Variants in ST7 observed in about 807,000 individuals in gnomAD.
The protein encoded by ST7 is suppression of tumorigenicity 7.
In ST7, 28 loss-of-function variants were observed where a neutral mutation model predicts 78.7. The ratio of observed to expected loss-of-function variants is 0.36; its 90% CI spans 0.26 to 0.49. The LOEUF (loss-of-function observed/expected upper bound fraction) is 0.49, where lower values mean the gene tolerates loss of function less well. ST7 is among the 20% of genes least tolerant of loss of function. ST7 has a pLI of 0.99. For missense variants in ST7, 418 were observed against 696.0 expected (o/e 0.60, Z 4.49); for synonymous variants, 247 against 249.6 (o/e 0.99, Z 0.10).
intron 1 of ST7, among the ~76,000 whole-genome samples, chr7:116,991,376 A>G (rs1343949707): frequency 6.6e-6 from 1 of 152,124 alleles, no homozygotes; most frequent in African/African-American, 2.4e-5. Flanking sequence ...GTTTAATTGG[A>G]CTTACAGTTC....
In ST7 at chr7:117,119,659, C is replaced by T. The variant is rs1218604434; in HGVS notation, c.333C>T (p.Asn111=). The change falls in exon 3 of 16, where the codon AAC becomes AAT. Residue 111 remains asparagine (N), a synonymous_variant. Coordinates refer to ENST00000323984, the MANE Select transcript of ST7 (RefSeq NM_001369598.1). The part of the protein sequence containing the change: ...LRPLLGGVDN[N]SSNNSNSSNG... Reference sequence around the variant, plus strand: ...CCCTTCTGGGAGGGGTTGACAACAACTCTTCCAACAATTCTAATTCCAGTA... The same window carrying T: ...CCCTTCTGGGAGGGGTTGACAACAATTCTTCCAACAATTCTAATTCCAGTA... 1 of 1,613,954 alleles carries T rather than the reference C, an allele frequency of 6.2e-7. No individual in the cohort carries two copies. Among genetic ancestry groups the T allele is most frequent in the Non-Finnish European group, 8.5e-7 (1 of 1,180,000 alleles).
intron 1 of ST7, among the ~76,000 whole-genome samples, chr7:117,065,817 G>C (rs1798605889): frequency 6.6e-6 from 1 of 152,076 alleles, no homozygotes; most frequent in Admixed American, 6.6e-5. Context: ...ATTTTCCATT[G>C]TACTTAGAAT....
intron 10 of ST7, among the ~76,000 whole-genome samples, chr7:117,178,041 G>A (rs1042648215): frequency 1.3e-5 from 2 of 152,138 alleles, no homozygotes; most frequent in Non-Finnish European, 2.9e-5. Flanking sequence ...CATCTGTGAA[G>A]GCCAAATATG....
At chr7:117,097,908 A>ATATATATATTTTTT in intron 1 of ST7, among the ~76,000 whole-genome samples, 5 of 30,012 alleles carry the variant, frequency 1.7e-4, no homozygotes, top group African/African-American at 4.8e-4. Flanking sequence ...ATATATATAT[A>ATATATATATTTTTT]TTTTTTTTTT....
Position 117,130,475 on chromosome 7 carries a change from T to G in ST7, c.450-16T>G. 1 of 1,581,412 alleles carries G rather than the reference T, an allele frequency of 6.3e-7. No individual in the cohort carries two copies. Among genetic ancestry groups the G allele is most frequent in the African/African-American group, 1.4e-5 (1 of 73,802 alleles). On this transcript the variant is annotated splice_polypyrimidine_tract_variant and intron_variant, in intron 4 of 15. Transcript: ENST00000323984. ...CTCTCTCAAAAGTGTCTAATCATCTTATTTCTCCTTTGCAGGTATACTTGG... is the reference window on the plus strand; with the variant it reads ...CTCTCTCAAAAGTGTCTAATCATCTGATTTCTCCTTTGCAGGTATACTTGG...
At chr7:116,974,262 G>C (rs1472022735) in intron 1 of ST7, among the ~76,000 whole-genome samples, 6 of 151,552 alleles carry the variant, frequency 4.0e-5, no homozygotes. Context: ...TTTTTGGCAT[G>C]GTTTTAGTAT....
chr7:117,020,804 C>T (rs1795860945), intron 1 of ST7, among the ~76,000 whole-genome samples: 1 of 152,126 alleles, frequency 6.6e-6, no homozygotes, highest in African/African-American at 2.4e-5. Context: ...GTTATTCATC[C>T]TTAAGGCCAG....
At chr7:117,129,059 G>A (rs1330088779) in intron 3 of ST7, among the ~76,000 whole-genome samples, 1 of 151,806 alleles carries the variant, frequency 6.6e-6, no homozygotes, top group Non-Finnish European at 1.5e-5. Flanking sequence ...CAGTCTTAAA[G>A]TTAATGCTTG....
chr7:117,134,302 T>C, intron 7 of ST7, 110 bp downstream of exon 7: 1 of 1,515,036 alleles, frequency 6.6e-7, no homozygotes, highest in Non-Finnish European at 9.0e-7. Context: ...TGTATGTGTA[T>C]TGTGTTGTGA....
At position 117,119,655 on chromosome 7, in the gene ST7, A is replaced by G. The variant is rs886632475; in HGVS notation, c.329A>G (p.Asn110Ser). 12 of 1,613,946 alleles carry G rather than the reference A, an allele frequency of 7.4e-6. No individual in the cohort carries two copies. Among genetic ancestry groups the G allele is most frequent in the Non-Finnish European group, 8.5e-6 (10 of 1,180,008 alleles). The stretch of plus-strand genomic sequence containing the variant: ...CGCCCCCTTCTGGGAGGGGTTGACA[A>G]CAACTCTTCCAACAATTCTAATTCC... The part of the protein sequence containing the change: ...HLRPLLGGVD[N>S]NSSNNSNSSN... Residue 110 changes from asparagine (N) to serine (S), a missense_variant, in exon 3 of 16, where the codon AAC (asparagine) becomes AGC (serine). This residue lies in a region of ST7 where 36 missense variants were observed against 29.7 expected (regional missense o/e 1.21). Transcript: ENST00000323984.
At chr7:117,158,215 G>C (rs1171773480) in intron 9 of ST7, among the ~76,000 whole-genome samples, 1 of 152,224 alleles carries the variant, frequency 6.6e-6, no homozygotes, top group Non-Finnish European at 1.5e-5. Context: ...AGATTTCCAA[G>C]TTTTGACCAG....
rs151144101 is a variant in ST7 at position 116,959,097 on chromosome 7, C to T, written c.151+5406C>T. On this transcript the variant is annotated intron_variant, in intron 1 of 15. Transcript: ENST00000323984. ...ATTGGAGTCAATTTTATCACCCTGC[C>T]ACGGCTTTATCAATGAAGTTTATGT... The T allele has an allele frequency of 4.3e-3, 1,890 of 444,662 alleles. 18 individuals carry two copies. The highest frequency in any genetic ancestry group is 0.025 in the African/African-American group (1,248 of 49,876). 27.5% of individuals were successfully genotyped at this position (444,662 alleles called of 1,614,324 possible). A position where few individuals can be genotyped will look rare whatever the true frequency, so the allele number is the denominator to read the frequency against.
At chr7:117,210,583 G>T (rs1792202846) in intron 13 of ST7, among the ~76,000 whole-genome samples, 1 of 152,180 alleles carries the variant, frequency 6.6e-6, no homozygotes, top group Admixed American at 6.5e-5. Context: ...TTGGGAAGAG[G>T]AACCAGCAGC....
intron 2 of ST7, among the ~76,000 whole-genome samples, chr7:117,115,134 C>T (rs879300227): frequency 2.0e-5 from 3 of 152,186 alleles, no homozygotes; most frequent in Admixed American, 6.5e-5. Flanking sequence ...TCAGCCCTCT[C>T]ATTCCCAATT....
At chr7:117,110,563 C>A (rs1802344792) in intron 2 of ST7, among the ~76,000 whole-genome samples, 1 of 152,170 alleles carries the variant, frequency 6.6e-6, no homozygotes, top group African/African-American at 2.4e-5. Context: ...GAACCCAGGC[C>A]ATCTTGTGCA....
rs1563027233 is a variant in ST7 at position 117,031,866 on chromosome 7, CTATCTA to C, written c.152-67892_152-67887del. 1.1e-3 allele frequency among the ~76,000 whole-genome samples: 133 copies of C among 125,638 alleles called. 3 individuals are homozygous for C. Among genetic ancestry groups the C allele is most frequent in the African/African-American group, 3.8e-3 (123 of 32,198 alleles). 82.4% of individuals were successfully genotyped at this position (125,638 alleles called of 152,430 possible). On this transcript the variant is annotated intron_variant, in intron 1 of 15. Transcript: ENST00000323984. ...TATATCTATATCTATATCTATCTAT[CTATCTA>C]TATATATATATTTTTTTTTTTTTTT...
chr7:117,059,014 A>G (rs1798207097), intron 1 of ST7, among the ~76,000 whole-genome samples: 1 of 152,172 alleles, frequency 6.6e-6, no homozygotes. Context: ...ACTAATGGAG[A>G]TAGAGAATAG....
chr7:117,088,572 C>G (rs1438199652), intron 1 of ST7, among the ~76,000 whole-genome samples: 2 of 152,112 alleles, frequency 1.3e-5, no homozygotes, highest in African/African-American at 4.8e-5. Flanking sequence ...TTATTAGGTT[C>G]CAGCACATTA....
intron 1 of ST7, chr7:116,954,593 C>T (rs1792345780): frequency 6.6e-6 from 1 of 152,286 alleles, no homozygotes; most frequent in African/African-American, 2.4e-5. Context: ...AAAGAAAACA[C>T]ACGAGCCTTA....
Sources: allele counts gnomAD v4.1 joint callset (sites outside exome capture counted in the v4.1 genomes callset), GRCh38; gene constraint gnomAD v4.1.1; regional missense constraint gnomAD v4.1.1; transcripts MANE v1.5; gene names NCBI Gene and HGNC (gene_info 2026-07-23, HGNC 2026-07-21).